LDLRAP1: variants seen among roughly 807,000 people sequenced by gnomAD.
LDLRAP1 encodes low density lipoprotein receptor adaptor protein 1.
LDLRAP1 carries 30 observed loss-of-function variants against 37.8 expected under a neutral mutation model. The observed-to-expected ratio is 0.79, with a 90% CI of 0.59 to 1.08. LDLRAP1 has a LOEUF of 1.08. LDLRAP1 is among the 50% of genes least tolerant of loss of function. The pLI, the probability that LDLRAP1 is intolerant of heterozygous loss-of-function variation, is 0.00. For synonymous variants in LDLRAP1, 156 were observed against 169.8 expected (o/e 0.92, Z 0.63); for missense variants, 375 against 401.6 (o/e 0.93, Z 0.57).
rs1439471609 is a variant in LDLRAP1 at position 25,544,296 on chromosome 1, C to T, written c.88+510C>T. Among the ~76,000 whole-genome samples, 3 of 152,220 alleles carry T rather than the reference C, an allele frequency of 2.0e-5. No individual in the cohort carries two copies. The highest frequency in any genetic ancestry group is 4.4e-5 in the Non-Finnish European group (3 of 68,028). ...CCCGACCCACCGGGCCAACTTTTGA[C>T]TCCGGGTGCCCAGACACCCATCCAG... On this transcript the variant is annotated intron_variant, in intron 1 of 8. Transcript: ENST00000374338. This position sits in a 1 kb window ranked among gnomAD's most constrained non-coding sequence, Gnocchi z 4.8.
At chr1:25,557,773 A>G (rs868831420) in intron 4 of LDLRAP1, among the ~76,000 whole-genome samples, 44 of 149,504 alleles carry the variant, frequency 2.9e-4, no homozygotes, top group African/African-American at 1.0e-3. Context: ...GAGGACAGTG[A>G]CCGTCTCTCG....
chr1:25,554,687 C>T lies in LDLRAP1; in HGVS notation c.232-173C>T, dbSNP rs897057280. On this transcript the variant is annotated intron_variant, in intron 2 of 8. Transcript: ENST00000374338. This position sits in a 1 kb window ranked among gnomAD's most constrained non-coding sequence, Gnocchi z 5.4. Reference sequence around the variant, plus strand: ...GATAGCTGGTGCTCAGCAGATGCTGCTCCTGTTTCTATTGCAAGAAGGTGC... The same window carrying T: ...GATAGCTGGTGCTCAGCAGATGCTGTTCCTGTTTCTATTGCAAGAAGGTGC... Among the ~76,000 whole-genome samples the T allele has an allele frequency of 4.6e-5, 7 of 152,256 alleles. No individual in the cohort carries two copies. The highest frequency in any genetic ancestry group is 1.7e-4 in the African/African-American group (7 of 41,482).
In LDLRAP1 at chr1:25,554,692, GT is replaced by G. The variant is rs1487130646; in HGVS notation, c.232-165del. Among the ~76,000 whole-genome samples the G allele has an allele frequency of 3.9e-5, 6 of 152,368 alleles. No individual in the cohort carries two copies. The East Asian group carries it at 9.6e-4, about 24-fold the overall frequency. ...CTGGTGCTCAGCAGATGCTGCTCCT[GT>G]TTCTATTGCAAGAAGGTGCTGGCTG... On this transcript the variant is annotated intron_variant, in intron 2 of 8. Coordinates refer to ENST00000374338, the MANE Select transcript of LDLRAP1 (RefSeq NM_015627.3). This position sits in a 1 kb window ranked among gnomAD's most constrained non-coding sequence, Gnocchi z 5.4.
chr1:25,570,582 G>A (rs548823213), downstream of LDLRAP1, among the ~76,000 whole-genome samples: 7 of 152,252 alleles, frequency 4.6e-5, no homozygotes, highest in East Asian at 1.2e-3. Flanking sequence ...TAACCCGGCC[G>A]GGCGCAGTGG....
chr1:25,560,797 C>T lies in LDLRAP1; in HGVS notation c.460-1847C>T, dbSNP rs922380948. 4.6e-5 allele frequency among the ~76,000 whole-genome samples: 7 copies of T among 152,330 alleles called. No individual in the cohort carries two copies. In the South Asian group the frequency reaches 1.4e-3, roughly 32 times the overall value. ...ATCCACTCAGGATAATAAGGCAGAC[C>T]CGAAGGCCAGAGGCAGTCAGGAGGG... On this transcript the variant is annotated intron_variant, in intron 4 of 8. Transcript: ENST00000374338.
the LDLRAP1 span, among the ~76,000 whole-genome samples, chr1:25,585,536 A>G: frequency 6.6e-6 from 1 of 152,218 alleles, no homozygotes; most frequent in Non-Finnish European, 1.5e-5. Context: ...CGTGTTAGCC[A>G]GGATGGTCTC....
chr1:25,551,948 G>A (rs2044080826), intron 1 of LDLRAP1, among the ~76,000 whole-genome samples: 1 of 152,182 alleles, frequency 6.6e-6, no homozygotes, highest in South Asian at 2.1e-4. Flanking sequence ...AGACATGAGG[G>A]GAACTGGGTA....
chr1:25,569,846 C>T (rs1033377787), downstream of LDLRAP1, among the ~76,000 whole-genome samples: 2 of 152,142 alleles, frequency 1.3e-5, no homozygotes, highest in Non-Finnish European at 2.9e-5. Context: ...AAGTGCTGGG[C>T]GGGGCCACAG....
At chr1:25,562,849 C>G in intron 5 of LDLRAP1, 133 bp downstream of exon 5, 1 of 850,932 alleles carries the variant, frequency 1.2e-6, no homozygotes, top group Non-Finnish European at 1.9e-6. Context: ...CCCTTCACCG[C>G]TCAGAGTCTC....
chr1:25,564,273 C>T (rs572059609), intron 7 of LDLRAP1: 49 of 171,128 alleles, frequency 2.9e-4, no homozygotes, highest in Middle Eastern at 2.7e-3. Context: ...GGAATCTCCC[C>T]GAGGAACCTG....
At chr1:25,553,467 A>G (rs1243732956) in intron 1 of LDLRAP1, 1 of 182,680 alleles carries the variant, frequency 5.5e-6, no homozygotes, top group Non-Finnish European at 1.2e-5. Flanking sequence ...CGTTGACCTC[A>G]TAGGTTCTTA....
At chr1:25,562,847 C>T (rs955407286) in intron 5 of LDLRAP1, 131 bp downstream of exon 5, 22 of 848,286 alleles carry the variant, frequency 2.6e-5, no homozygotes, top group Admixed American at 1.1e-4. Flanking sequence ...GTCCCTTCAC[C>T]GCTCAGAGTC....
chr1:25,549,342 G>T (rs893759767), intron 1 of LDLRAP1, among the ~76,000 whole-genome samples: 1 of 152,206 alleles, frequency 6.6e-6, no homozygotes, highest in Non-Finnish European at 1.5e-5. Context: ...CAGAGCCCCG[G>T]TTGGAGGCTC....
chr1:25,587,758 G>A, the LDLRAP1 span, among the ~76,000 whole-genome samples: 3 of 152,272 alleles, frequency 2.0e-5, no homozygotes, highest in Middle Eastern at 3.4e-3. Flanking sequence ...GGGAGTGGGC[G>A]TGGCGGGAGG....
chr1:25,565,075 C>T, intron 7 of LDLRAP1, 98 bp from the exon 8 acceptor site: 1 of 1,339,756 alleles, frequency 7.5e-7, no homozygotes, highest in South Asian at 1.2e-5. Flanking sequence ...AGCTTGTGTC[C>T]TGAGTCCCTG....
At chr1:25,572,698 T>C (rs1023099723), downstream of LDLRAP1, among the ~76,000 whole-genome samples, 2 of 152,156 alleles carry the variant, frequency 1.3e-5, no homozygotes, top group Non-Finnish European at 1.5e-5. Flanking sequence ...TCCATCAACC[T>C]GGAGTAAAGG....
the LDLRAP1 span, among the ~76,000 whole-genome samples, chr1:25,589,026 G>A: frequency 6.6e-6 from 1 of 152,288 alleles, no homozygotes; most frequent in African/African-American, 2.4e-5. Context: ...TTCCTGGGCC[G>A]GGCATGGTGG....
chr1:25,579,078 C>T, the LDLRAP1 span, among the ~76,000 whole-genome samples: 1 of 152,298 alleles, frequency 6.6e-6, no homozygotes, highest in Non-Finnish European at 1.5e-5. Context: ...TTGTTTAAAG[C>T]CTTGACTTGT....
the LDLRAP1 span, among the ~76,000 whole-genome samples, chr1:25,585,646 G>T: frequency 6.6e-6 from 1 of 152,176 alleles, no homozygotes; most frequent in Admixed American, 6.5e-5. Flanking sequence ...TTTAACCTGG[G>T]TCCAGAGTTG....
Sources: gnomAD v4.1 joint callset for allele counts (sites outside exome capture counted in the v4.1 genomes callset) on GRCh38, gnomAD v4.1.1 for gene constraint, Gnocchi (gnomAD v3.1) non-coding constraint, MANE v1.5 for transcripts, NCBI Gene and HGNC (gene_info 2026-07-23, HGNC 2026-07-21) for gene names.